Variants in STAP2 observed in about 807,000 individuals in gnomAD.
STAP2 encodes the protein signal transducing adaptor family member 2.
In STAP2, 58 loss-of-function variants were observed where a neutral mutation model predicts 52.7. The observed-to-expected ratio is 1.10, with a 90% CI of 0.89 to 1.37. STAP2 has a LOEUF of 1.37. STAP2 is among the 40% of genes most tolerant of loss of function. The pLI, the probability that STAP2 is intolerant of heterozygous loss-of-function variation, is 0.00. For missense variants in STAP2, 522 were observed against 519.4 expected (o/e 1.00, Z -0.05); for synonymous variants, 231 against 210.5 (o/e 1.10, Z -0.84).
chr19:4,330,400 T>G (rs1270099609), intron 4 of STAP2, among the ~76,000 whole-genome samples: 2 of 151,772 alleles, frequency 1.3e-5, no homozygotes, highest in African/African-American at 4.8e-5. Flanking sequence ...CAGACACCTG[T>G]AATCCCAGCT....
chr19:4,333,942 C>T, intron 2 of STAP2, 31 bp downstream of exon 2: 1 of 1,611,002 alleles, frequency 6.2e-7, no homozygotes, highest in Non-Finnish European at 8.5e-7. Flanking sequence ...CAAGGGAAGG[C>T]CTGCTCTGGA....
In STAP2 at chr19:4,330,711, A is replaced by ATTT. The variant is rs1210010568; in HGVS notation, c.355-653_355-651dup. 2.5e-4 allele frequency among the ~76,000 whole-genome samples: 29 copies of ATTT among 117,170 alleles called. 1 individual carries two copies. The highest frequency in any genetic ancestry group is 3.7e-4 in the Admixed American group (4 of 10,806). 76.9% of individuals were successfully genotyped at this position (117,170 alleles called of 152,430 possible). A position where few individuals can be genotyped will look rare whatever the true frequency, so the allele number is the denominator to read the frequency against. ...CCCGGTTGATAAATGATGTCAGCTA[A>ATTT]TTTTTTTTTTTTTTTTTTTTTTGAG... On this transcript the variant is annotated intron_variant, in intron 4 of 12. Coordinates refer to ENST00000594605, the MANE Select transcript of STAP2 (RefSeq NM_001013841.2).
chr19:4,327,986 C>G (rs1971822389), intron 6 of STAP2, among the ~76,000 whole-genome samples: 1 of 152,096 alleles, frequency 6.6e-6, no homozygotes, highest in African/African-American at 2.4e-5. Flanking sequence ...AGAGCCCATT[C>G]CCATCCCTGG....
intron 3 of STAP2, 113 bp from the exon 4 acceptor site, chr19:4,332,191 TTCTTC>T (rs2144789445): frequency 1.7e-6 from 1 of 575,150 alleles, no homozygotes. Flanking sequence ...TTTTTTCTTT[TTCTTC>T]TTTTTTTTTT....
At chr19:4,338,588 T>C in intron 1 of STAP2, 64 bp downstream of exon 1, 5 of 750,432 alleles carry the variant, frequency 6.7e-6, no homozygotes, top group South Asian at 3.3e-5. Context: ...AGACAGGGAC[T>C]CAGAGAGGTG....
chr19:4,330,057 C>G lies in STAP2; in HGVS notation c.359G>C (p.Arg120Pro), dbSNP rs1167385281. ...AAGCAGGGTCAAGTCGGTCGGGACACGGAGCTGAGGGGCGATCGAGGGACA... is the reference window on the plus strand; with the variant it reads ...AAGCAGGGTCAAGTCGGTCGGGACAGGGAGCTGAGGGGCGATCGAGGGACA... ...KGFILTVVEL[R>P]VPTDLTLLPG... Residue 120 changes from arginine to proline, a missense_variant, in exon 5 of 13, where the codon CGT becomes CCT. Arg to Pro is a moderately radical substitution (Grantham distance 103, BLOSUM62 -2). Transcript: ENST00000594605. The G allele has an allele frequency of 1.2e-6, 2 of 1,613,350 alleles. No homozygotes were observed. The highest frequency in any genetic ancestry group is 1.1e-5 in the South Asian group (1 of 91,082).
intron 5 of STAP2, chr19:4,329,023 A>G: frequency 3.2e-6 from 2 of 618,928 alleles, no homozygotes; most frequent in East Asian, 3.2e-5. Flanking sequence ...TTTTTGAGAC[A>G]GGGTTTCGCT....
chr19:4,329,821 C>G (rs1329200379), intron 5 of STAP2, 140 bp downstream of exon 5: 7 of 197,982 alleles, frequency 3.5e-5, no homozygotes, highest in Non-Finnish European at 7.2e-5. Flanking sequence ...CCCTCCCCCT[C>G]CCCCACCCCC....
intron 4 of STAP2, among the ~76,000 whole-genome samples, chr19:4,331,057 T>C (rs1599552135): frequency 2.0e-5 from 3 of 150,416 alleles, no homozygotes; most frequent in South Asian, 2.2e-4. Context: ...TGGCCAGGCA[T>C]GGTGGCTCAC....
At chr19:4,334,819 A>G (rs1971950188) in intron 1 of STAP2, among the ~76,000 whole-genome samples, 1 of 105,950 alleles carries the variant, frequency 9.4e-6, no homozygotes, top group Non-Finnish European at 2.0e-5. Context: ...TCATCCATCC[A>G]CTCATCCATC....
At chr19:4,329,171 G>C (rs28709367) in intron 5 of STAP2, among the ~76,000 whole-genome samples, 10,993 of 151,798 alleles carry the variant, frequency 0.072, 610 homozygotes, top group African/African-American at 0.16. Flanking sequence ...CTCCATGTTG[G>C]TCAGGCTGGT....
In STAP2 at chr19:4,324,061, A is replaced by C; in HGVS notation, c.*72T>G. ...ACATGGGTCCTGGGGTCAGAGTTTT[A>C]ATCCTGGGAAAAAGAATCTGGCCGC... On this transcript the variant is annotated 3_prime_UTR_variant, in exon 13 of 13. Transcript: ENST00000594605. The C allele has an allele frequency of 6.7e-7, 1 of 1,491,696 alleles. No homozygotes were observed. The allele number at this position is 1,491,696 out of a possible 1,614,324, so 92.4% of individuals were successfully genotyped here.
intron 12 of STAP2, 111 bp downstream of exon 12, chr19:4,324,344 A>G (rs910477131): frequency 2.3e-6 from 3 of 1,298,554 alleles, no homozygotes; most frequent in African/African-American, 3.0e-5. Context: ...ATTTCAAGAC[A>G]GAGACAGCAG....
chr19:4,334,060 G>A lies in STAP2; in HGVS notation c.103-16C>T. On this transcript the variant is annotated splice_polypyrimidine_tract_variant and intron_variant, in intron 1 of 12. Coordinates refer to ENST00000594605, the MANE Select transcript of STAP2 (RefSeq NM_001013841.2). ...TCTTGTAATCCTAGGGACCAGAAGT[G>A]CAGAAAGAAGAGGTGAGCTGGCCAA... 2.5e-6 allele frequency: 4 copies of A among 1,602,510 alleles called. No homozygotes were observed. Among genetic ancestry groups the A allele is most frequent in the Non-Finnish European group, 3.4e-6 (4 of 1,175,896 alleles).
At position 4,332,076 on chromosome 19, in the gene STAP2, TAC is replaced by T. The variant is rs752353047; in HGVS notation, c.298_299del (p.Val100ArgfsTer37). ...ILRDQEIKFK[V>X]ETLECREMWK... ...ACATTTCCCGACACTCCAAGGTCTC[TAC>T]CTGGGGAACAAAAGAAAGGAAAGAA... On this transcript the variant is annotated frameshift_variant and splice_region_variant, in exon 4 of 13. Coordinates refer to ENST00000594605, the MANE Select transcript of STAP2 (RefSeq NM_001013841.2). LOFTEE classifies it high-confidence loss of function. The T allele has an allele frequency of 1.9e-6, 3 of 1,609,512 alleles. No individual in the cohort carries two copies. In the Admixed American group the frequency reaches 5.1e-5, roughly 27 times the overall value.
chr19:4,327,454 C>A, intron 6 of STAP2, 69 bp from the exon 7 acceptor site: 1 of 1,551,346 alleles, frequency 6.4e-7, no homozygotes, highest in Non-Finnish European at 8.8e-7. Flanking sequence ...GAAGGCCCCG[C>A]CCCAACTCCA....
intron 12 of STAP2, 72 bp downstream of exon 12, chr19:4,324,383 G>T: frequency 7.1e-7 from 1 of 1,409,236 alleles, no homozygotes; most frequent in Non-Finnish European, 9.7e-7. Context: ...GCTTCGGAGT[G>T]TGGGGACTTG....
chr19:4,334,920 TCCATAATCCATCCATCCATCCACTCACC>T (rs1352625649), intron 1 of STAP2, among the ~76,000 whole-genome samples: 776 of 37,246 alleles, frequency 0.021, 1 homozygote, highest in Middle Eastern at 0.089. Context: ...CATCCATCCC[TCCATAATCCATCCATCCATCCACTCACC>T]GTCCATCATC....
At chr19:4,325,149 AAAAGTC>A in intron 11 of STAP2, 61 bp downstream of exon 11, 2 of 1,395,786 alleles carry the variant, frequency 1.4e-6, no homozygotes, top group Non-Finnish European at 1.9e-6. Flanking sequence ...AAAAAAAAAA[AAAAGTC>A]AGATGAGGGC....
Sources: allele counts gnomAD v4.1 joint callset (sites outside exome capture counted in the v4.1 genomes callset), GRCh38; gene constraint gnomAD v4.1.1; transcripts MANE v1.5; gene names NCBI Gene and HGNC (gene_info 2026-07-23, HGNC 2026-07-21).